FRMD6: variants seen among roughly 807,000 people sequenced by gnomAD.
The protein encoded by FRMD6 is FERM domain-containing protein 6.
A neutral mutation model predicts 73.2 loss-of-function variants in FRMD6; 37 were observed. That is an observed-to-expected ratio of 0.51 (90% CI 0.39 to 0.66). The LOEUF (loss-of-function observed/expected upper bound fraction) is 0.66, where lower values mean the gene tolerates loss of function less well. FRMD6 is among the 30% of genes least tolerant of loss of function. FRMD6 has a pLI of 0.00. For missense variants in FRMD6, 714 were observed against 780.5 expected (o/e 0.91, Z 1.02); for synonymous variants, 273 against 282.2 (o/e 0.97, Z 0.33).
intron 1 of FRMD6, among the ~76,000 whole-genome samples, chr14:51,508,523 C>T (rs1453021043): frequency 1.3e-5 from 2 of 152,148 alleles, no homozygotes; most frequent in African/African-American, 4.8e-5. Flanking sequence ...AAGAGCAAGA[C>T]GTGAACAGGT....
chr14:51,716,763 C>T (rs900707781), intron 10 of FRMD6, among the ~76,000 whole-genome samples: 1 of 152,190 alleles, frequency 6.6e-6, no homozygotes, highest in Admixed American at 6.5e-5. Flanking sequence ...TTCTTCCCCA[C>T]GATGACTCAT....
chr14:51,707,701 G>T (rs1896701110), intron 6 of FRMD6, among the ~76,000 whole-genome samples: 1 of 152,148 alleles, frequency 6.6e-6, no homozygotes, highest in South Asian at 2.1e-4. Flanking sequence ...ACCTGAAGAT[G>T]TGCCTACTAT....
At chr14:51,626,286 G>T (rs1375621074) in intron 2 of FRMD6, among the ~76,000 whole-genome samples, 1 of 152,018 alleles carries the variant, frequency 6.6e-6, no homozygotes, top group Non-Finnish European at 1.5e-5. Flanking sequence ...TTTTGGAGGG[G>T]TTGTCATTTC....
At chr14:51,701,632 CTT>C (rs1407397368) in intron 4 of FRMD6, among the ~76,000 whole-genome samples, 1 of 147,676 alleles carries the variant, frequency 6.8e-6, no homozygotes, top group Non-Finnish European at 1.5e-5. Flanking sequence ...GGAAAAGAAA[CTT>C]ATAAGTTCTA....
At chr14:51,724,941 C>G (rs553774546) in intron 12 of FRMD6, among the ~76,000 whole-genome samples, 21 of 152,242 alleles carry the variant, frequency 1.4e-4, no homozygotes, top group African/African-American at 5.1e-4. Flanking sequence ...ATTTCTGCTT[C>G]TGAAATTTTG....
At chr14:51,582,014 T>C (rs1888753436) in intron 2 of FRMD6, among the ~76,000 whole-genome samples, 1 of 152,244 alleles carries the variant, frequency 6.6e-6, no homozygotes, top group Non-Finnish European at 1.5e-5. Flanking sequence ...TCTTTTATCT[T>C]AGTAGACTGT....
At chr14:51,708,434 G>A (rs1896758348) in intron 7 of FRMD6, 2 of 515,534 alleles carry the variant, frequency 3.9e-6, no homozygotes, top group African/African-American at 1.9e-5. Context: ...CCTGGAAGCG[G>A]GGTGGAGTAT....
At chr14:51,534,382 A>G (rs1417728405) in intron 1 of FRMD6, among the ~76,000 whole-genome samples, 9 of 152,158 alleles carry the variant, frequency 5.9e-5, no homozygotes, top group African/African-American at 1.7e-4. Context: ...ATGATTGGAG[A>G]TTGAGTTGTT....
intron 2 of FRMD6, among the ~76,000 whole-genome samples, chr14:51,617,116 C>T (rs1890747209): frequency 6.6e-6 from 1 of 152,198 alleles, no homozygotes; most frequent in Admixed American, 6.5e-5. Context: ...GGCAGTGTTG[C>T]TCTTGCTAAG....
chr14:51,651,775 C>G (rs1382525986), upstream of FRMD6: 17 of 142,500 alleles, frequency 1.2e-4, no homozygotes, highest in Non-Finnish European at 2.3e-4. Context: ...CGGCTGCCGC[C>G]GCGGCCAGTT....
At chr14:51,443,216 A>C in the FRMD6 span, among the ~76,000 whole-genome samples, 23 of 152,350 alleles carry the variant, frequency 1.5e-4, no homozygotes, top group South Asian at 3.5e-3. Context: ...GACATTCAAA[A>C]GTTTGAGCAA....
chr14:51,397,664 C>T, the FRMD6 span, among the ~76,000 whole-genome samples: 5 of 152,122 alleles, frequency 3.3e-5, no homozygotes, highest in African/African-American at 4.8e-5. Context: ...ATCTCAAACT[C>T]CAAAATCTAA....
chr14:51,456,246 C>T, the FRMD6 span, among the ~76,000 whole-genome samples: 2 of 151,992 alleles, frequency 1.3e-5, no homozygotes, highest in Non-Finnish European at 2.9e-5. Flanking sequence ...TGGTTTGTTG[C>T]CCTTATCAAC....
chr14:51,592,264 C>T (rs568518640), intron 2 of FRMD6, among the ~76,000 whole-genome samples: 13 of 152,304 alleles, frequency 8.5e-5, no homozygotes, highest in East Asian at 3.9e-4. Flanking sequence ...TCTCTGTCCT[C>T]GGTTCAGAGT....
At chr14:51,572,459 C>T (rs1323835572) in intron 2 of FRMD6, among the ~76,000 whole-genome samples, 1 of 152,172 alleles carries the variant, frequency 6.6e-6, no homozygotes, top group Non-Finnish European at 1.5e-5. Context: ...TATTTCATAG[C>T]ATATGCTGGA....
intron 1 of FRMD6, among the ~76,000 whole-genome samples, chr14:51,515,039 T>G (rs1884544831): frequency 6.6e-6 from 1 of 152,218 alleles, no homozygotes; most frequent in Admixed American, 6.5e-5. Context: ...ACCATGATGG[T>G]GTCCCCACCC....
the FRMD6 span, among the ~76,000 whole-genome samples, chr14:51,479,464 G>T: frequency 7.2e-5 from 11 of 152,184 alleles, no homozygotes; most frequent in African/African-American, 2.4e-4. Flanking sequence ...CTTAGTCTCT[G>T]CTCTCAAGGA....
intron 1 of FRMD6, among the ~76,000 whole-genome samples, chr14:51,664,237 T>C (rs922553686): frequency 6.6e-6 from 1 of 152,254 alleles, no homozygotes; most frequent in Non-Finnish European, 1.5e-5. Context: ...AATTGAGTAA[T>C]AGAAAAATTG....
chr14:51,457,330 A>G, the FRMD6 span, among the ~76,000 whole-genome samples: 1 of 152,188 alleles, frequency 6.6e-6, no homozygotes, highest in African/African-American at 2.4e-5. Context: ...AAAGCTGGAA[A>G]TCATCAAGTA....
Sources: gnomAD v4.1 joint callset for allele counts (sites outside exome capture counted in the v4.1 genomes callset) on GRCh38, gnomAD v4.1.1 for gene constraint, MANE v1.5 for transcripts, NCBI Gene and HGNC (gene_info 2026-07-23, HGNC 2026-07-21) for gene names.